Variants in SLC16A2 observed in about 807,000 individuals in gnomAD.
SLC16A2 encodes monocarboxylate transporter 8.
SLC16A2 carries 3 observed loss-of-function variants against 27.2 expected under a neutral mutation model. That is an observed-to-expected ratio of 0.11 (90% CI 0.05 to 0.28). The LOEUF (loss-of-function observed/expected upper bound fraction) is 0.28, where lower values mean the gene tolerates loss of function less well. Ranked by LOEUF, SLC16A2 falls within the 10% of genes least tolerant of loss-of-function variation. SLC16A2 has a pLI of 1.00. For synonymous variants in SLC16A2, 202 were observed against 187.8 expected (o/e 1.08, Z -0.62); for missense variants, 295 against 458.5 (o/e 0.64, Z 3.26).
chrX:74,468,746 TAA>T (rs2147851463), intron 1 of SLC16A2, among the ~76,000 whole-genome samples: 1 of 112,301 alleles, frequency 8.9e-6, no homozygotes, highest in African/African-American at 3.2e-5. Context: ...TATTTTGACA[TAA>T]GCATACAATC....
chrX:74,470,983 A>T (rs951974218), intron 1 of SLC16A2, among the ~76,000 whole-genome samples: 8 of 112,421 alleles, frequency 7.1e-5, no homozygotes, highest in African/African-American at 2.6e-4. Flanking sequence ...TTGAATTTTA[A>T]GAGTTCTTTG....
At chrX:74,510,341 C>G (rs1243549060) in intron 1 of SLC16A2, among the ~76,000 whole-genome samples, 1 of 110,804 alleles carries the variant, frequency 9.0e-6, no homozygotes, top group Non-Finnish European at 1.9e-5. Context: ...GATGAGGAAA[C>G]TGTTTCAAGT....
chrX:74,500,808 C>A (rs1930017393), intron 1 of SLC16A2, among the ~76,000 whole-genome samples: 1 of 111,031 alleles, frequency 9.0e-6, no homozygotes, highest in African/African-American at 3.3e-5. Flanking sequence ...AATTCTACAG[C>A]AATCGATTGC....
Position 74,464,630 on chromosome X carries a change from C to T in SLC16A2, c.430+42563C>T, listed in dbSNP as rs1390848729. Among the ~76,000 whole-genome samples the T allele has an allele frequency of 4.5e-5, 5 of 111,567 alleles. No homozygotes were observed. The East Asian group carries it at 1.4e-3, about 31-fold the overall frequency. On this transcript the variant is annotated intron_variant, in intron 1 of 5. Transcript: ENST00000587091. ...AAGATGGTATTAATTTCCTTTTAAACCCACTGGCCTAGACAAAGGCTAGAG... is the reference window on the plus strand; with the variant it reads ...AAGATGGTATTAATTTCCTTTTAAATCCACTGGCCTAGACAAAGGCTAGAG...
chrX:74,511,536 C>T (rs1218459428), intron 1 of SLC16A2, among the ~76,000 whole-genome samples: 1 of 111,978 alleles, frequency 8.9e-6, no homozygotes, highest in Non-Finnish European at 1.9e-5. Context: ...TATTGCTGTG[C>T]CACCCCCAGA....
chrX:74,529,571 C>T (rs756243345), intron 5 of SLC16A2, 130 bp downstream of exon 5: 107 of 479,336 alleles, frequency 2.2e-4, no homozygotes, highest in Non-Finnish European at 3.6e-4. Flanking sequence ...TGTCAGAGTG[C>T]GTGAAACCCC....
intron 1 of SLC16A2, among the ~76,000 whole-genome samples, chrX:74,448,013 C>A (rs1313074031): frequency 2.7e-5 from 3 of 111,514 alleles, no homozygotes; most frequent in Non-Finnish European, 3.8e-5. Context: ...CACAAAAAAA[C>A]CTTTTGGACA....
chrX:74,449,976 G>T (rs750356927), intron 1 of SLC16A2, among the ~76,000 whole-genome samples: 1 of 112,097 alleles, frequency 8.9e-6, no homozygotes, highest in Non-Finnish European at 1.9e-5. Context: ...CACTATAGAC[G>T]ACCAGGATGG....
intron 2 of SLC16A2, among the ~76,000 whole-genome samples, chrX:74,523,756 GC>G (rs1930446484): frequency 8.9e-6 from 1 of 112,182 alleles, no homozygotes; most frequent in South Asian, 3.8e-4. Context: ...ATCGTCCAGG[GC>G]CTAGTGTAAA....
intron 1 of SLC16A2, among the ~76,000 whole-genome samples, chrX:74,457,391 A>C (rs945764341): frequency 9.0e-6 from 1 of 110,669 alleles, no homozygotes; most frequent in Non-Finnish European, 1.9e-5. Context: ...CCAGTGAAGC[A>C]GACTTCCCAG....
At chrX:74,438,446 C>A (rs771477068) in intron 1 of SLC16A2, among the ~76,000 whole-genome samples, 1 of 113,103 alleles carries the variant, frequency 8.8e-6, no homozygotes, top group African/African-American at 3.2e-5. Context: ...ATGATGCACA[C>A]GTGTATAAGC....
rs1485026733 is a variant in SLC16A2 at position 74,533,844 on chromosome X, A to G, written c.*2291A>G. The G allele has an allele frequency of 8.9e-6, 1 of 112,675 alleles. No homozygotes were observed. The highest frequency in any genetic ancestry group is 3.2e-5 in the African/African-American group (1 of 30,908). 9.3% of individuals were successfully genotyped at this position (112,675 alleles called of 1,213,427 possible). A position where few individuals can be genotyped will look rare whatever the true frequency, so the allele number is the denominator to read the frequency against. ...CACAGTTAAATCTAGAACGAACAAAATTTCAGAGCTCAAGACATGGGACAT... is the reference window on the plus strand; with the variant it reads ...CACAGTTAAATCTAGAACGAACAAAGTTTCAGAGCTCAAGACATGGGACAT... On this transcript the variant is annotated 3_prime_UTR_variant, in exon 6 of 6. Transcript: ENST00000587091.
At chrX:74,476,089 A>G (rs1219199311) in intron 1 of SLC16A2, among the ~76,000 whole-genome samples, 4 of 111,088 alleles carry the variant, frequency 3.6e-5, no homozygotes, top group East Asian at 2.8e-4. Context: ...CCATTTTCAC[A>G]ATATTGATTC....
rs1023417925 is a variant in SLC16A2 at position 74,433,900 on chromosome X, T to A, written c.430+11833T>A. 4.5e-5 allele frequency among the ~76,000 whole-genome samples: 5 copies of A among 112,242 alleles called. No homozygotes were observed. The East Asian group carries it at 8.4e-4, about 19-fold the overall frequency. Reference sequence around the variant, plus strand: ...TTAAAACTTCTTGGAGTCTGAGTTTTCTCATACATAAAATAAGTATAATAA... The same window carrying A: ...TTAAAACTTCTTGGAGTCTGAGTTTACTCATACATAAAATAAGTATAATAA... On this transcript the variant is annotated intron_variant, in intron 1 of 5. Coordinates refer to ENST00000587091, the MANE Select transcript of SLC16A2 (RefSeq NM_006517.5).
chrX:74,500,302 C>T (rs1041757380), intron 1 of SLC16A2, among the ~76,000 whole-genome samples: 2 of 111,257 alleles, frequency 1.8e-5, no homozygotes, highest in South Asian at 3.8e-4. Context: ...GGCATTTGAC[C>T]CTCTTCCAGG....
At chrX:74,512,107 G>T (rs1022521374) in intron 1 of SLC16A2, among the ~76,000 whole-genome samples, 6 of 112,006 alleles carry the variant, frequency 5.4e-5, no homozygotes, top group Non-Finnish European at 1.9e-5. Context: ...GGATGTGCCG[G>T]CATAAGTCAT....
chrX:74,462,131 C>A (rs1929160117), intron 1 of SLC16A2, among the ~76,000 whole-genome samples: 1 of 111,956 alleles, frequency 8.9e-6, no homozygotes, highest in African/African-American at 3.2e-5. Flanking sequence ...CCTGAGATGC[C>A]CCTCGGAGTT....
At chrX:74,501,741 C>A (rs1687289303) in intron 1 of SLC16A2, among the ~76,000 whole-genome samples, 1 of 111,293 alleles carries the variant, frequency 9.0e-6, no homozygotes, top group Non-Finnish European at 1.9e-5. Context: ...AAAGTGTTCC[C>A]CAAAATCCTG....
At position 74,525,816 on chromosome X, in the gene SLC16A2, G is replaced by T. The variant is rs2147870992; in HGVS notation, c.1093G>T (p.Ala365Ser). The T allele has an allele frequency of 2.5e-6, 3 of 1,211,278 alleles. No homozygotes were observed. The highest frequency in any genetic ancestry group is 3.4e-6 in the Non-Finnish European group (3 of 895,138). The change falls in exon 4 of 6, where the codon GCT becomes TCT. Residue 365 changes from alanine to serine, a missense_variant. Ala to Ser is a moderately conservative substitution (Grantham distance 99). Coordinates refer to ENST00000587091, the MANE Select transcript of SLC16A2 (RefSeq NM_006517.5). ...CTGGGTGCTCTTGGTGTGTATTGGG[G>T]CTACCTCAGGCCTTGGGCGTCTTGT... ...ETWVLLVCIG[A>S]TSGLGRLVSG...
Sources: allele counts gnomAD v4.1 joint callset (sites outside exome capture counted in the v4.1 genomes callset), GRCh38; gene constraint gnomAD v4.1.1; transcripts MANE v1.5; gene names NCBI Gene and HGNC (gene_info 2026-07-23, HGNC 2026-07-21).